The following NOP9 variants were observed in gnomAD, a reference collection of about 807,000 sequenced individuals.
NOP9 encodes nucleolar protein 9.
A neutral mutation model predicts 63.0 loss-of-function variants in NOP9; 50 were observed. The ratio of observed to expected loss-of-function variants is 0.79; its 90% CI spans 0.63 to 1.00. The LOEUF (loss-of-function observed/expected upper bound fraction) is 1.00, where lower values mean the gene tolerates loss of function less well. Ranked by LOEUF, NOP9 falls within the 50% of genes least tolerant of loss-of-function variation. The pLI is 0.00. For synonymous variants in NOP9, 343 were observed against 332.8 expected (o/e 1.03, Z -0.33); for missense variants, 758 against 803.0 (o/e 0.94, Z 0.68).
upstream of NOP9, chr14:24,296,787 T>C: frequency 6.2e-7 from 1 of 1,614,252 alleles, no homozygotes; most frequent in Non-Finnish European, 8.5e-7. Flanking sequence ...ACGCCCTTGC[T>C]GTTCCCGATC....
the NOP9 span, among the ~76,000 whole-genome samples, chr14:24,279,258 A>G: frequency 6.6e-6 from 1 of 152,230 alleles, no homozygotes; most frequent in East Asian, 1.9e-4. Flanking sequence ...TCAGAGCCCA[A>G]GAAGATCCTC....
At chr14:24,293,017 G>A in the NOP9 span, 7 of 501,522 alleles carry the variant, frequency 1.4e-5, no homozygotes, top group East Asian at 3.5e-5. Context: ...GAAATGGAAC[G>A]CAAGAGCCCT....
chr14:24,292,814 GA>G, the NOP9 span: 5 of 1,604,048 alleles, frequency 3.1e-6, no homozygotes, highest in Admixed American at 5.2e-5. Context: ...AAGAAGGAAT[GA>G]ACCGTGTTAG....
In NOP9 at chr14:24,306,208, G is replaced by A; in HGVS notation, c.*1113G>A. On this transcript the variant is annotated 3_prime_UTR_variant, in exon 10 of 10. Coordinates refer to ENST00000267425, the MANE Select transcript of NOP9 (RefSeq NM_174913.3). ...CCACCACTAATCTCCATCAGCACTG[G>A]GTCAGACCCTCCCTCGCTTGGACTT... 6.5e-7 allele frequency: 1 copy of A among 1,549,836 alleles called. No homozygotes were observed. Among genetic ancestry groups the A allele is most frequent in the Non-Finnish European group, 8.8e-7 (1 of 1,131,544 alleles).
At chr14:24,288,237 A>G in the NOP9 span, among the ~76,000 whole-genome samples, 1 of 152,176 alleles carries the variant, frequency 6.6e-6, no homozygotes, top group African/African-American at 2.4e-5. Flanking sequence ...GCTGAAATGA[A>G]AGTCTTTTGT....
At chr14:24,299,752 A>G (rs1378593602), upstream of NOP9, 5 of 595,434 alleles carry the variant, frequency 8.4e-6, no homozygotes, top group Non-Finnish European at 1.4e-5. Context: ...GGCCAAAGTT[A>G]GAACCTGCGG....
At chr14:24,303,386 AT>A (rs3052629) in intron 6 of NOP9, among the ~76,000 whole-genome samples, 172 bp downstream of exon 6, 119,542 of 140,156 alleles carry the variant, frequency 0.85, 50,971 homozygotes, top group Non-Finnish European at 0.87. Flanking sequence ...TACCCAGCTA[AT>A]TTTTTTTTTT....
rs754906397 is a variant in NOP9, at chr14:24,301,602, C to A, written c.698-10C>A. The A allele has an allele frequency of 6.2e-7, 1 of 1,614,124 alleles. No individual in the cohort carries two copies. The highest frequency in any genetic ancestry group is 8.5e-7 in the Non-Finnish European group (1 of 1,179,942). On this transcript the variant is annotated splice_polypyrimidine_tract_variant and intron_variant, in intron 2 of 9. Coordinates refer to ENST00000267425, the MANE Select transcript of NOP9 (RefSeq NM_174913.3). Reference sequence around the variant, plus strand: ...TCTCCCCACTGCACATGTTCTTAATCTTCCTTCAGAAGCACAGAAGACCCC... The same window carrying A: ...TCTCCCCACTGCACATGTTCTTAATATTCCTTCAGAAGCACAGAAGACCCC...
the NOP9 span, chr14:24,293,636 A>G: frequency 6.6e-6 from 1 of 152,104 alleles, no homozygotes; most frequent in African/African-American, 2.4e-5. Context: ...AGGACTAAAA[A>G]GACTAATGTC....
rs1254284172 is a variant in NOP9 at position 24,303,088 on chromosome 14, T to C, written c.1158T>C (p.Phe386=). ...TTTCCCATCAGCTGTCCCCTGTGTT[T>C]GAGGAGCTGAGCCCTGTCTTGGAAG... ...VTTPELLSPV[F]EELSPVLEAV... Residue 386 remains phenylalanine, a synonymous_variant, in exon 6 of 10, where the codon TTT becomes TTC. Coordinates refer to ENST00000267425, the MANE Select transcript of NOP9 (RefSeq NM_174913.3). 1 of 1,548,788 alleles carries C rather than the reference T, an allele frequency of 6.5e-7. No homozygotes were observed. The highest frequency in any genetic ancestry group is 8.7e-7 in the Non-Finnish European group (1 of 1,150,850).
In NOP9 at chr14:24,306,753, C is replaced by T; in HGVS notation, c.*1658C>T. 1.8e-6 allele frequency: 1 copy of T among 552,650 alleles called. No individual in the cohort carries two copies. The highest frequency in any genetic ancestry group is 3.2e-6 in the Non-Finnish European group (1 of 309,388). 34.2% of individuals were successfully genotyped at this position (552,650 alleles called of 1,614,324 possible). On this transcript the variant is annotated 3_prime_UTR_variant, in exon 10 of 10. Coordinates refer to ENST00000267425, the MANE Select transcript of NOP9 (RefSeq NM_174913.3). ...TGCTCCTACCATGTCATTGGCATCTCCCCTTGCTCCCCTCCAAGTCACTTC... is the reference window on the plus strand; with the variant it reads ...TGCTCCTACCATGTCATTGGCATCTTCCCTTGCTCCCCTCCAAGTCACTTC...
Position 24,307,916 on chromosome 14 carries a change from T to C in NOP9, c.*2821T>C. On this transcript the variant is annotated 3_prime_UTR_variant, in exon 10 of 10. Coordinates refer to ENST00000267425, the MANE Select transcript of NOP9 (RefSeq NM_174913.3). ...TGGGCTGGGTGGTTCTCTCCTGTGC[T>C]GGGGCTTTAGTGGTGTTTTCTGTTA... 1 of 1,472,258 alleles carries C rather than the reference T, an allele frequency of 6.8e-7. No individual in the cohort carries two copies. Among genetic ancestry groups the C allele is most frequent in the South Asian group, 1.2e-5 (1 of 82,706 alleles). 91.2% of individuals were successfully genotyped at this position (1,472,258 alleles called of 1,614,324 possible).
the NOP9 span, among the ~76,000 whole-genome samples, chr14:24,288,144 A>G: frequency 1.1e-3 from 170 of 152,262 alleles, no homozygotes; most frequent in African/African-American, 3.9e-3. Context: ...GTCTTACTCC[A>G]CATCTTATGG....
At chr14:24,291,753 G>T in the NOP9 span, 1 of 982,554 alleles carries the variant, frequency 1.0e-6, no homozygotes, top group Non-Finnish European at 1.6e-6. Context: ...CTCAAGCAGG[G>T]CCTGTAGGAC....
rs555787431 is a variant in NOP9 at position 24,302,438 on chromosome 14, C to A, written c.1143+14C>A. On this transcript the variant is annotated intron_variant, in intron 5 of 9. Transcript: ENST00000267425. ...ACCCCTGAGCTGGTGAGTTGGAAAC[C>A]TGAGCTGGATCTGTTTCTGCTAATT... is the stretch of plus-strand genomic sequence containing the variant. 6 of 1,598,370 alleles carry A rather than the reference C, an allele frequency of 3.8e-6. No homozygotes were observed. In the South Asian group the frequency reaches 6.6e-5, roughly 18 times the overall value.
chr14:24,301,231 A>G (rs1299081937), intron 2 of NOP9, among the ~76,000 whole-genome samples: 1 of 152,040 alleles, frequency 6.6e-6, no homozygotes, highest in African/African-American at 2.4e-5. Flanking sequence ...TTTCAAAACT[A>G]TTCTGCTCTA....
In NOP9 at chr14:24,304,065, T is replaced by C. The variant is rs760471043; in HGVS notation, c.1435T>C (p.Leu479=). The C allele has an allele frequency of 1.9e-6, 3 of 1,614,242 alleles. No homozygotes were observed. Among genetic ancestry groups the C allele is most frequent in the Middle Eastern group, 1.6e-4 (1 of 6,062 alleles). ...HQVAMAAARA[L]GDVTVLGSLL... is the part of the protein sequence containing the mutation. Reference sequence around the variant, plus strand: ...GGTGGCAATGGCCGCAGCCAGAGCCTTGGGGGATGTGACAGTCCTTGGGTC... The same window carrying C: ...GGTGGCAATGGCCGCAGCCAGAGCCCTGGGGGATGTGACAGTCCTTGGGTC... The change falls in exon 8 of 10, where the codon TTG becomes CTG. Residue 479 remains leucine, a synonymous_variant. Coordinates refer to ENST00000267425, the MANE Select transcript of NOP9 (RefSeq NM_174913.3).
At chr14:24,289,172 C>T in the NOP9 span, among the ~76,000 whole-genome samples, 7 of 152,116 alleles carry the variant, frequency 4.6e-5, no homozygotes, top group East Asian at 3.9e-4. Flanking sequence ...TTAGTAGAGA[C>T]GAGGTTTCAT....
the NOP9 span, among the ~76,000 whole-genome samples, chr14:24,275,183 A>G: frequency 6.6e-6 from 1 of 152,180 alleles, no homozygotes; most frequent in Admixed American, 6.5e-5. Context: ...AAGTGCTGGG[A>G]TTATAGGCGT....
Sources: allele counts gnomAD v4.1 joint callset (sites outside exome capture counted in the v4.1 genomes callset), GRCh38; gene constraint gnomAD v4.1.1; transcripts MANE v1.5; gene names NCBI Gene and HGNC (gene_info 2026-07-23, HGNC 2026-07-21).